BRD10: variants seen among roughly 807,000 people sequenced by gnomAD.
BRD10 encodes bromodomain containing 10, also known as uncharacterized bromodomain-containing protein 10.
chr9:5,908,026 T>C, the BRD10 span, among the ~76,000 whole-genome samples: 6 of 152,178 alleles, frequency 3.9e-5, no homozygotes, highest in Non-Finnish European at 5.9e-5. Flanking sequence ...CTAGTACATA[T>C]ACAACACAGC....
chr9:5,980,258 G>A, the BRD10 span, among the ~76,000 whole-genome samples: 3 of 152,010 alleles, frequency 2.0e-5, no homozygotes, highest in South Asian at 2.1e-4. Flanking sequence ...TAAATCAACA[G>A]GGTCTCTCTA....
chr9:5,989,375 G>A, the BRD10 span, among the ~76,000 whole-genome samples: 1 of 147,446 alleles, frequency 6.8e-6, no homozygotes, highest in South Asian at 2.1e-4. Flanking sequence ...AGGCTGCAAT[G>A]AGCTGAGATC....
the BRD10 span, among the ~76,000 whole-genome samples, chr9:5,911,429 A>T: frequency 7.1e-6 from 1 of 141,392 alleles, no homozygotes; most frequent in African/African-American, 2.7e-5. Flanking sequence ...TTTTAATGCC[A>T]GTACCATGAT....
At chr9:5,918,979 TG>T in the BRD10 span, 1 of 152,616 alleles carries the variant, frequency 6.6e-6, no homozygotes, top group Non-Finnish European at 1.5e-5. Flanking sequence ...ATTCTTTCAA[TG>T]GAACAAGAAC....
At chr9:5,891,954 C>CG in the BRD10 span, among the ~76,000 whole-genome samples, 2 of 152,176 alleles carry the variant, frequency 1.3e-5, no homozygotes, top group African/African-American at 4.8e-5. Context: ...GCACAGGCAA[C>CG]GGGTGCTCTG....
chr9:5,921,548 G>T, the BRD10 span: 17 of 1,613,796 alleles, frequency 1.1e-5, no homozygotes, highest in Non-Finnish European at 1.4e-5. Flanking sequence ...ATTGCCAGAA[G>T]AAAGAATAGA....
chr9:5,948,801 A>C, the BRD10 span, among the ~76,000 whole-genome samples: 1 of 152,018 alleles, frequency 6.6e-6, no homozygotes, highest in African/African-American at 2.4e-5. Context: ...TTATTATAAA[A>C]ATAATAAGTG....
At chr9:5,910,209 C>T in the BRD10 span, 1 of 152,160 alleles carries the variant, frequency 6.6e-6, no homozygotes. Flanking sequence ...TGATTCATTG[C>T]TATTTAACGG....
the BRD10 span, among the ~76,000 whole-genome samples, chr9:5,987,945 T>C: frequency 8.5e-5 from 13 of 152,280 alleles, no homozygotes; most frequent in East Asian, 2.1e-3. Context: ...GGATATTAAT[T>C]CCAATGGAGG....
the BRD10 span, among the ~76,000 whole-genome samples, chr9:5,894,950 C>CACA: frequency 3.3e-5 from 5 of 152,186 alleles, no homozygotes; most frequent in Admixed American, 6.5e-5. The surrounding 1 kb of genome is among the most constrained non-coding windows in gnomAD (Gnocchi z 4.0). Context: ...TGACTGAAGG[C>CACA]ACAAGCTTTC....
chr9:5,922,022 T>C, the BRD10 span: 1 of 1,614,024 alleles, frequency 6.2e-7, no homozygotes, highest in Non-Finnish European at 8.5e-7. Flanking sequence ...AGTTGTTGAT[T>C]TTGGCACCAG....
At chr9:5,895,566 T>G in the BRD10 span, among the ~76,000 whole-genome samples, 1 of 152,212 alleles carries the variant, frequency 6.6e-6, no homozygotes, top group Non-Finnish European at 1.5e-5. Flanking sequence ...ACTACATACC[T>G]GCTTTGGGTA....
At chr9:5,997,932 C>T in the BRD10 span, among the ~76,000 whole-genome samples, 1 of 152,138 alleles carries the variant, frequency 6.6e-6, no homozygotes, top group Admixed American at 6.5e-5. Context: ...AAGTTACATA[C>T]TGTACGTTTT....
the BRD10 span, among the ~76,000 whole-genome samples, chr9:5,905,704 C>CT: frequency 6.6e-6 from 1 of 152,206 alleles, no homozygotes; most frequent in Non-Finnish European, 1.5e-5. Flanking sequence ...TAAGTCTCTG[C>CT]TTTGCCATGT....
At chr9:5,934,343 A>G in the BRD10 span, among the ~76,000 whole-genome samples, 2 of 149,772 alleles carry the variant, frequency 1.3e-5, no homozygotes, top group South Asian at 2.1e-4. Context: ...TTAAATATCA[A>G]TATATTACGC....
the BRD10 span, among the ~76,000 whole-genome samples, chr9:5,995,687 C>A: frequency 6.6e-6 from 1 of 152,292 alleles, no homozygotes; most frequent in African/African-American, 2.4e-5. Context: ...TATACCCTAT[C>A]TGGTCACCCT....
chr9:5,931,931 G>C, the BRD10 span, among the ~76,000 whole-genome samples: 1 of 152,096 alleles, frequency 6.6e-6, no homozygotes, highest in African/African-American at 2.4e-5. Flanking sequence ...TAATTACTTA[G>C]AGTAAAAGGG....
At chr9:5,992,788 G>C in the BRD10 span, among the ~76,000 whole-genome samples, 1 of 151,400 alleles carries the variant, frequency 6.6e-6, no homozygotes, top group Admixed American at 6.6e-5. Flanking sequence ...AGAATTCAGA[G>C]GCTTGATTCT....
chr9:5,907,934 CAA>C, the BRD10 span, among the ~76,000 whole-genome samples: 1 of 152,150 alleles, frequency 6.6e-6, no homozygotes, highest in East Asian at 1.9e-4. Context: ...GCCTGGGAGA[CAA>C]GAGCAAAACT....
Sources: allele counts gnomAD v4.1 joint callset (sites outside exome capture counted in the v4.1 genomes callset), GRCh38; gene constraint gnomAD v4.1.1; non-coding constraint Gnocchi (gnomAD v3.1); transcripts MANE v1.5; gene names NCBI Gene and HGNC (gene_info 2026-07-23, HGNC 2026-07-21).